Variants in SSH2 observed in about 807,000 individuals in gnomAD.
SSH2 encodes slingshot protein phosphatase 2, also known as protein phosphatase Slingshot homolog 2.
SSH2 carries 37 observed loss-of-function variants against 135.2 expected under a neutral mutation model. That is an observed-to-expected ratio of 0.27 (90% CI 0.21 to 0.36). The LOEUF is 0.36. Among genes scored for constraint, SSH2 ranks in the 10% least tolerant of loss-of-function variants. The pLI is 1.00. For synonymous variants in SSH2, 628 were observed against 646.2 expected (o/e 0.97, Z 0.43); for missense variants, 1,408 against 1,765.3 (o/e 0.80, Z 3.63).
intron 1 of SSH2, among the ~76,000 whole-genome samples, chr17:29,913,794 C>T (rs901577490): frequency 6.6e-6 from 1 of 151,844 alleles, no homozygotes; most frequent in East Asian, 1.9e-4. Flanking sequence ...ACCACCACGC[C>T]GGCCTAATTT....
intron 2 of SSH2, among the ~76,000 whole-genome samples, chr17:29,813,243 C>T (rs9910213): frequency 0.074 from 11,208 of 151,752 alleles, 1,347 homozygotes; most frequent in African/African-American, 0.25. Flanking sequence ...ATTAGCCGGG[C>T]GCAGTGGTGA....
At position 29,627,270 on chromosome 17, in the gene SSH2, C is replaced by T. The variant is rs538598347; in HGVS notation, c.*3571G>A. The T allele has an allele frequency of 1.3e-5, 2 of 152,748 alleles. No homozygotes were observed. Among genetic ancestry groups the T allele is most frequent in the South Asian group, 4.1e-4 (2 of 4,828 alleles). The allele number at this position is 152,748 out of a possible 1,614,324, so 9.5% of individuals were successfully genotyped here. A position where few individuals can be genotyped will look rare whatever the true frequency, so the allele number is the denominator to read the frequency against. On this transcript the variant is annotated 3_prime_UTR_variant, in exon 16 of 16. Transcript: ENST00000540801. ...AAATGCCCTTAAAAGTGACTTTTTG[C>T]ATAATGCTTTCTTAAAAAAAGAACT...
chr17:29,820,507 CA>C, intron 2 of SSH2, among the ~76,000 whole-genome samples: 1 of 152,274 alleles, frequency 6.6e-6, no homozygotes. Flanking sequence ...AACACATAAG[CA>C]AAAGTAAAAT....
chr17:29,640,080 TTTTG>T (rs1434531417), intron 14 of SSH2, among the ~76,000 whole-genome samples: 2 of 150,302 alleles, frequency 1.3e-5, no homozygotes, highest in Non-Finnish European at 2.9e-5. Flanking sequence ...TATGTTTTTT[TTTTG>T]TTTTTTTTTT....
intron 1 of SSH2, among the ~76,000 whole-genome samples, chr17:29,857,194 G>C (rs1049204593): frequency 1.3e-5 from 2 of 152,158 alleles, no homozygotes; most frequent in Non-Finnish European, 2.9e-5. Context: ...AATTTACATA[G>C]AAAGAGGTTT....
At chr17:29,875,530 A>G (rs1274954035) in intron 1 of SSH2, among the ~76,000 whole-genome samples, 2 of 152,164 alleles carry the variant, frequency 1.3e-5, no homozygotes, top group African/African-American at 4.8e-5. Flanking sequence ...TGAAAGCACA[A>G]ACATGGTCAC....
intron 3 of SSH2, among the ~76,000 whole-genome samples, chr17:29,758,257 A>G (rs921815345): frequency 5.3e-5 from 8 of 152,218 alleles, no homozygotes; most frequent in African/African-American, 1.7e-4. Flanking sequence ...TGCAACTACT[A>G]AGGCAAAATA....
intron 14 of SSH2, 100 bp downstream of exon 14, chr17:29,648,044 C>T (rs1230241478): frequency 2.1e-5 from 24 of 1,119,134 alleles, no homozygotes; most frequent in Non-Finnish European, 3.0e-5. Flanking sequence ...GAAAAAATAT[C>T]ACATCCAAAT....
chr17:29,785,343 C>A (rs2041934932), intron 3 of SSH2, among the ~76,000 whole-genome samples: 1 of 151,960 alleles, frequency 6.6e-6, no homozygotes, highest in Non-Finnish European at 1.5e-5. Flanking sequence ...CATAACTATT[C>A]ACTATTCACC....
At chr17:29,818,061 T>G (rs1418122119) in intron 2 of SSH2, among the ~76,000 whole-genome samples, 1 of 152,030 alleles carries the variant, frequency 6.6e-6, no homozygotes, top group African/African-American at 2.4e-5. Context: ...TGAGCCACTG[T>G]GCCTGCCTCC....
At chr17:29,695,290 C>T (rs1313262924) in intron 5 of SSH2, among the ~76,000 whole-genome samples, 169 bp downstream of exon 5, 1 of 152,220 alleles carries the variant, frequency 6.6e-6, no homozygotes, top group Admixed American at 6.5e-5. Context: ...CAAATTGGTG[C>T]TTACCAACAG....
rs146329840 is a variant in SSH2, at chr17:29,630,932, C to T, written c.4262G>A (p.Arg1421His). ...GGGGTGAGTTCTGCCGTGTTGCTGA[C>T]GGGGTGCCACGGCCAGCCCTGGAGC... ...CPAPGLAVAP[R>H]QQHGRTHPLR... Residue 1421 changes from arginine (R) to histidine (H), a missense_variant, in exon 16 of 16, where the codon CGT becomes CAT. Arg to His is a conservative substitution (Grantham distance 29). Around this residue, in one of 3 missense-constraint regions of SSH2, gnomAD observed 1,080 missense variants for 1,144.5 expected, o/e 0.94. Coordinates refer to ENST00000540801, the MANE Select transcript of SSH2 (RefSeq NM_001282129.2). The T allele has an allele frequency of 8.7e-4, 1,402 of 1,609,148 alleles. 4 individuals are homozygous for T. Among genetic ancestry groups the T allele is most frequent in the Admixed American group, 5.0e-3 (297 of 59,924 alleles).
chr17:29,630,990 G>A lies in SSH2; in HGVS notation c.4204C>T (p.Leu1402=). ...LTSSEGGLPV[L]QTQGLQCACP... ...GCACACTGCAGTCCCTGGGTCTGTA[G>A]CACGGGAAGGCCTCCTTCAGAACTA... is the stretch of plus-strand genomic sequence containing the variant. The change falls in exon 16 of 16, where the codon CTA becomes TTA. Residue 1402 remains leucine, a synonymous_variant. Transcript: ENST00000540801. The A allele has an allele frequency of 6.2e-7, 1 of 1,613,888 alleles. No individual in the cohort carries two copies. Among genetic ancestry groups the A allele is most frequent in the Non-Finnish European group, 8.5e-7 (1 of 1,179,764 alleles).
chr17:29,649,721 A>G (rs1358610227), intron 13 of SSH2, among the ~76,000 whole-genome samples: 1 of 152,134 alleles, frequency 6.6e-6, no homozygotes, highest in Non-Finnish European at 1.5e-5. Context: ...TGGATCTTAG[A>G]AAATACTACA....
chr17:29,679,371 C>T lies in SSH2; in HGVS notation c.480-1630G>A, dbSNP rs116930376. ...ATGGGCTCTGGAACCTGGTTTCTTG[C>T]ACTAACTGTATAATCTTTTTTTAAA... On this transcript the variant is annotated intron_variant, in intron 6 of 15. Coordinates refer to ENST00000540801, the MANE Select transcript of SSH2 (RefSeq NM_001282129.2). Among the ~76,000 whole-genome samples the T allele has an allele frequency of 3.1e-3, 477 of 151,746 alleles. 3 individuals are homozygous for T. The highest frequency in any genetic ancestry group is 9.2e-3 in the African/African-American group (382 of 41,450).
At chr17:29,861,536 A>G (rs8071576) in intron 1 of SSH2, among the ~76,000 whole-genome samples, 76,855 of 151,668 alleles carry the variant, frequency 0.51, 19,881 homozygotes, top group East Asian at 0.69. Context: ...ACTCTACTGG[A>G]GGCCATTATT....
intron 4 of SSH2, among the ~76,000 whole-genome samples, chr17:29,700,101 A>G (rs2038915736): frequency 6.6e-6 from 1 of 152,222 alleles, no homozygotes; most frequent in South Asian, 2.1e-4. Context: ...GCTATGCTCA[A>G]CTACTGGCTC....
At chr17:29,658,430 C>G (rs1381217321) in intron 11 of SSH2, among the ~76,000 whole-genome samples, 1 of 152,198 alleles carries the variant, frequency 6.6e-6, no homozygotes, top group Non-Finnish European at 1.5e-5. Flanking sequence ...CTTCCTGCCT[C>G]AGCCTCCTGA....
chr17:29,637,771 C>T (rs1176025803), intron 14 of SSH2, among the ~76,000 whole-genome samples: 1 of 149,626 alleles, frequency 6.7e-6, no homozygotes, highest in Non-Finnish European at 1.5e-5. Context: ...ACTGAGTGAT[C>T]CCTTGTCTCA....
Sources: gnomAD v4.1 joint callset for allele counts (sites outside exome capture counted in the v4.1 genomes callset) on GRCh38, gnomAD v4.1.1 for gene constraint, gnomAD v4.1.1 regional missense constraint, MANE v1.5 for transcripts, NCBI Gene and HGNC (gene_info 2026-07-23, HGNC 2026-07-21) for gene names.